The following OTOP1 variants were observed in gnomAD, a reference collection of about 807,000 sequenced individuals.
The protein encoded by OTOP1 is otopetrin 1.
In OTOP1, 59 loss-of-function variants were observed where a neutral mutation model predicts 52.9. The observed-to-expected ratio is 1.12, with a 90% CI of 0.91 to 1.39. OTOP1 has a LOEUF of 1.39. Among genes scored for constraint, OTOP1 ranks in the 40% most tolerant of loss-of-function variants. The pLI is 0.00. For synonymous variants in OTOP1, 317 were observed against 337.7 expected, an observed-to-expected ratio of 0.94 and a Z score of 0.67; for missense variants, 761 against 800.9, an observed-to-expected ratio of 0.95 and a Z score of 0.60.
At chr4:4,191,849 G>A (rs1357758375) in intron 5 of OTOP1, among the ~76,000 whole-genome samples, 1 of 152,166 alleles carries the variant, frequency 6.6e-6, no homozygotes, top group African/African-American at 2.4e-5. Context: ...CCCTCAACAT[G>A]CATAGCAGTC....
intron 3 of OTOP1, among the ~76,000 whole-genome samples, chr4:4,203,048 C>T (rs761333886): frequency 2.3e-4 from 35 of 152,260 alleles, no homozygotes; most frequent in Admixed American, 1.0e-3. Context: ...CACCCTCTGC[C>T]ATGCCACCTA....
intron 5 of OTOP1, among the ~76,000 whole-genome samples, chr4:4,192,482 G>T (rs1318239404): frequency 2.6e-5 from 4 of 152,186 alleles, no homozygotes; most frequent in Admixed American, 2.0e-4. Context: ...TCATACATTT[G>T]GGGTAGTTCA....
At chr4:4,191,641 G>T (rs566899571) in intron 5 of OTOP1, among the ~76,000 whole-genome samples, 1 of 152,262 alleles carries the variant, frequency 6.6e-6, no homozygotes, top group South Asian at 2.1e-4. Flanking sequence ...ACCCTTCAGC[G>T]AGGCCTTCTC....
intron 5 of OTOP1, among the ~76,000 whole-genome samples, chr4:4,195,926 T>C (rs141855573): frequency 0.17 from 25,133 of 152,166 alleles, 2,475 homozygotes; most frequent in Non-Finnish European, 0.23. Context: ...ACTGAGTCTT[T>C]CCACTTTAAT....
intron 1 of OTOP1, among the ~76,000 whole-genome samples, chr4:4,217,446 G>A (rs562061580): frequency 6.6e-5 from 10 of 152,290 alleles, no homozygotes; most frequent in Admixed American, 4.6e-4. Flanking sequence ...CTAAGATGTC[G>A]CCCGCGTGTC....
chr4:4,194,770 A>G (rs1442297939), intron 5 of OTOP1, among the ~76,000 whole-genome samples: 1 of 151,714 alleles, frequency 6.6e-6, no homozygotes, highest in Non-Finnish European at 1.5e-5. Flanking sequence ...GGACTGGGGC[A>G]CTCCCCTCCA....
intron 1 of OTOP1, 34 bp from the exon 2 acceptor site, chr4:4,213,038 A>G: frequency 6.2e-7 from 1 of 1,607,564 alleles, no homozygotes; most frequent in Non-Finnish European, 8.5e-7. Flanking sequence ...GTGGAAACAC[A>G]CACATTGCAT....
intron 5 of OTOP1, among the ~76,000 whole-genome samples, chr4:4,192,570 A>G (rs955885671): frequency 3.9e-5 from 6 of 152,146 alleles, no homozygotes; most frequent in African/African-American, 1.2e-4. Flanking sequence ...CTGAAACAGA[A>G]CACGTCCATT....
At chr4:4,225,176 G>T (rs1422316522) in intron 1 of OTOP1, among the ~76,000 whole-genome samples, 1 of 152,170 alleles carries the variant, frequency 6.6e-6, no homozygotes, top group Non-Finnish European at 1.5e-5. Context: ...AATGCACTTG[G>T]CCTCTCCTGG....
chr4:4,195,792 CCTT>C (rs2108796277), intron 5 of OTOP1, among the ~76,000 whole-genome samples: 1 of 152,314 alleles, frequency 6.6e-6, no homozygotes, highest in East Asian at 1.9e-4. Context: ...TCACTGAAGT[CCTT>C]CTGGATCCCT....
intron 2 of OTOP1, among the ~76,000 whole-genome samples, chr4:4,208,048 C>T (rs577248978): frequency 5.9e-5 from 9 of 152,144 alleles, no homozygotes; most frequent in Non-Finnish European, 1.2e-4. Flanking sequence ...ACCTGCATTC[C>T]TACTAAGATA....
intron 2 of OTOP1, among the ~76,000 whole-genome samples, chr4:4,209,611 C>T (rs1057116559): frequency 9.9e-5 from 15 of 152,178 alleles, no homozygotes; most frequent in African/African-American, 3.4e-4. Flanking sequence ...GAATTTGCTG[C>T]ACACCTAGCC....
intron 2 of OTOP1, among the ~76,000 whole-genome samples, chr4:4,209,914 G>A (rs1371669246): frequency 1.3e-5 from 2 of 152,056 alleles, no homozygotes; most frequent in Non-Finnish European, 2.9e-5. Context: ...TCTTCCAGTG[G>A]TCTCTGACCC....
intron 4 of OTOP1, among the ~76,000 whole-genome samples, chr4:4,200,223 T>A (rs1477968637): frequency 6.6e-6 from 1 of 152,096 alleles, no homozygotes; most frequent in African/African-American, 2.4e-5. Context: ...CAGCTGGGCG[T>A]GGTGGCTCAC....
At chr4:4,199,853 A>G (rs1177572319) in intron 4 of OTOP1, among the ~76,000 whole-genome samples, 1 of 152,256 alleles carries the variant, frequency 6.6e-6, no homozygotes, top group African/African-American at 2.4e-5. Flanking sequence ...ACTTTTTTGT[A>G]GCAGAAATAA....
At chr4:4,220,807 G>T (rs1025092870) in intron 1 of OTOP1, among the ~76,000 whole-genome samples, 7 of 152,088 alleles carry the variant, frequency 4.6e-5, no homozygotes, top group African/African-American at 1.4e-4. Context: ...CCTCCTCTTT[G>T]TTAGGCACCC....
At chr4:4,193,723 C>A (rs1716562678) in intron 5 of OTOP1, among the ~76,000 whole-genome samples, 1 of 152,192 alleles carries the variant, frequency 6.6e-6, no homozygotes, top group Admixed American at 6.5e-5. Flanking sequence ...TTGGACTGGG[C>A]CCTGGGTCTG....
intron 1 of OTOP1, among the ~76,000 whole-genome samples, chr4:4,217,339 C>T (rs1162174596): frequency 6.6e-6 from 1 of 152,160 alleles, no homozygotes; most frequent in Non-Finnish European, 1.5e-5. Flanking sequence ...GAGAGATGAG[C>T]TGGCAACAGA....
chr4:4,191,646 C>T (rs1045204322), intron 5 of OTOP1, among the ~76,000 whole-genome samples: 1 of 152,190 alleles, frequency 6.6e-6, no homozygotes, highest in Non-Finnish European at 1.5e-5. Context: ...TCAGCGAGGC[C>T]TTCTCACTAA....
Sources: gnomAD v4.1 joint callset for allele counts (sites outside exome capture counted in the v4.1 genomes callset) on GRCh38, gnomAD v4.1.1 for gene constraint, MANE v1.5 for transcripts, NCBI Gene and HGNC (gene_info 2026-07-23, HGNC 2026-07-21) for gene names.